The following HHIPL1 variants were observed in gnomAD, a reference collection of about 807,000 sequenced individuals.
HHIPL1 encodes the protein HHIP like 1, also known as HHIP-like protein 1.
A neutral mutation model predicts 61.8 loss-of-function variants in HHIPL1; 43 were observed. That is an observed-to-expected ratio of 0.70 (90% CI 0.55 to 0.90). The LOEUF is 0.90. Among genes scored for constraint, HHIPL1 ranks in the 40% least tolerant of loss-of-function variants. The pLI is 0.00. For synonymous variants in HHIPL1, 482 were observed against 515.8 expected, an observed-to-expected ratio of 0.93 and a Z score of 0.89; for missense variants, 1,056 against 1,157.7, an observed-to-expected ratio of 0.91 and a Z score of 1.28.
At chr14:99,612,851 C>T in the HHIPL1 span, among the ~76,000 whole-genome samples, 13 of 152,308 alleles carry the variant, frequency 8.5e-5, no homozygotes, top group East Asian at 9.6e-4. Flanking sequence ...GGACGGCTCA[C>T]GTCCCAGGCC....
At chr14:99,639,809 G>A in the HHIPL1 span, among the ~76,000 whole-genome samples, 185 of 151,730 alleles carry the variant, frequency 1.2e-3, 1 homozygote, top group African/African-American at 4.1e-3. Flanking sequence ...CTACAGGCAC[G>A]CGCTACCACG....
At chr14:99,614,626 T>C in the HHIPL1 span, among the ~76,000 whole-genome samples, 41 of 152,294 alleles carry the variant, frequency 2.7e-4, no homozygotes, top group African/African-American at 9.4e-4. Context: ...GAGGCACTTG[T>C]TTGTTGGCAT....
rs1336426732 is a variant in HHIPL1 at position 99,680,256 on chromosome 14, C to CT, written c.*4630_*4631insT. The CT allele has an allele frequency of 6.6e-6, 1 of 152,032 alleles. No homozygotes were observed. Among genetic ancestry groups the CT allele is most frequent in the Admixed American group, 6.6e-5 (1 of 15,246 alleles). 9.4% of individuals were successfully genotyped at this position (152,032 alleles called of 1,614,324 possible). ...GAGCCACCTCTTATGCCTGCATCTC[C>CT]CCAACAATTCCTGCTGGGAAACCAC... On this transcript the variant is annotated 3_prime_UTR_variant, in exon 9 of 9. Coordinates refer to ENST00000330710, the MANE Select transcript of HHIPL1 (RefSeq NM_001127258.3).
At chr14:99,616,981 A>G in the HHIPL1 span, among the ~76,000 whole-genome samples, 22,662 of 152,118 alleles carry the variant, frequency 0.15, 2,168 homozygotes, top group African/African-American at 0.27. Flanking sequence ...GCTGAGAACA[A>G]CCAGGGAGTG....
At chr14:99,622,295 C>T in the HHIPL1 span, among the ~76,000 whole-genome samples, 30 of 152,308 alleles carry the variant, frequency 2.0e-4, no homozygotes, top group African/African-American at 7.2e-4. Context: ...ATCTGTGGCC[C>T]ATCCTTAGAG....
Position 99,652,529 on chromosome 14 carries a change from G to A in HHIPL1, c.561G>A (p.Glu187=). 1 of 1,613,484 alleles carries A rather than the reference G, an allele frequency of 6.2e-7. No homozygotes were observed. Among genetic ancestry groups the A allele is most frequent in the Non-Finnish European group, 8.5e-7 (1 of 1,180,038 alleles). The change falls in exon 2 of 9, where the codon GAG becomes GAA. Residue 187 remains glutamate, a synonymous_variant. Transcript: ENST00000330710. ...DAKGCLQLCL[E]EVANGLRNPV... is the part of the protein sequence containing the mutation. ...AGGGCTGCCTGCAGCTGTGCCTGGAGGAGGTGGCCAACGGGCTGCGCAACC... is the reference window on the plus strand; with the variant it reads ...AGGGCTGCCTGCAGCTGTGCCTGGAAGAGGTGGCCAACGGGCTGCGCAACC...
At chr14:99,631,607 A>G in the HHIPL1 span, among the ~76,000 whole-genome samples, 1 of 152,082 alleles carries the variant, frequency 6.6e-6, no homozygotes, top group Non-Finnish European at 1.5e-5. Flanking sequence ...CTCAGAATTT[A>G]TAGGGACCCT....
intron 3 of HHIPL1, among the ~76,000 whole-genome samples, 187 bp from the exon 4 acceptor site, chr14:99,659,241 T>C (rs988199850): frequency 6.6e-6 from 1 of 152,068 alleles, no homozygotes; most frequent in African/African-American, 2.4e-5. Context: ...GCATGTTGAG[T>C]GAATGAATGG....
the HHIPL1 span, among the ~76,000 whole-genome samples, chr14:99,639,810 C>G: frequency 6.6e-6 from 1 of 151,812 alleles, no homozygotes; most frequent in African/African-American, 2.4e-5. Context: ...TACAGGCACG[C>G]GCTACCACGC....
intron 8 of HHIPL1, among the ~76,000 whole-genome samples, chr14:99,674,547 G>C (rs969306174): frequency 1.1e-4 from 16 of 152,104 alleles, no homozygotes; most frequent in Non-Finnish European, 1.8e-4. Flanking sequence ...CCTGACCCCA[G>C]GGATCCCTGT....
intron 3 of HHIPL1, 112 bp from the exon 4 acceptor site, chr14:99,659,316 C>A: frequency 1.2e-6 from 1 of 803,600 alleles, no homozygotes; most frequent in Non-Finnish European, 1.8e-6. Flanking sequence ...AGCCTAGGCT[C>A]ACCCTGCACC....
chr14:99,656,838 AGG>A lies in HHIPL1; in HGVS notation c.903-161_903-160del, dbSNP rs1566809897. Among the ~76,000 whole-genome samples, 534 of 85,536 alleles carry A rather than the reference AGG, an allele frequency of 6.2e-3. 122 individuals are homozygous for A. Among genetic ancestry groups the A allele is most frequent in the African/African-American group, 0.014 (266 of 19,582 alleles). The allele number at this position is 85,536 out of a possible 152,430, so 56.1% of individuals were successfully genotyped here. On this transcript the variant is annotated intron_variant, in intron 2 of 8. Coordinates refer to ENST00000330710, the MANE Select transcript of HHIPL1 (RefSeq NM_001127258.3). The stretch of plus-strand genomic sequence containing the variant: ...AAGAAAGAAAGAAAGAAAGAAAGAA[AGG>A]AAGGAAGGAAGGAAGGAAGGAAGGA...
intron 1 of HHIPL1, among the ~76,000 whole-genome samples, chr14:99,649,710 C>T (rs909015853): frequency 1.3e-5 from 2 of 152,076 alleles, no homozygotes; most frequent in African/African-American, 2.4e-5. Context: ...TGGGGAGGAT[C>T]GTTAGAGCCC....
the HHIPL1 span, among the ~76,000 whole-genome samples, chr14:99,629,559 A>C: frequency 6.6e-6 from 1 of 151,862 alleles, no homozygotes; most frequent in Admixed American, 6.6e-5. Context: ...GTGCAGTGGC[A>C]CAATCTTGGC....
At chr14:99,648,946 C>T (rs1249647441) in intron 1 of HHIPL1, among the ~76,000 whole-genome samples, 2 of 152,186 alleles carry the variant, frequency 1.3e-5, no homozygotes, top group South Asian at 2.1e-4. Context: ...GGGGGCCCTC[C>T]GCCCTGCACT....
chr14:99,641,176 T>A (rs1393426259), upstream of HHIPL1, among the ~76,000 whole-genome samples: 1 of 151,658 alleles, frequency 6.6e-6, no homozygotes, highest in Admixed American at 6.6e-5. Flanking sequence ...TGTGAGCCAC[T>A]GCACCTGGCC....
At chr14:99,638,297 A>G in the HHIPL1 span, among the ~76,000 whole-genome samples, 2 of 152,332 alleles carry the variant, frequency 1.3e-5, no homozygotes, top group East Asian at 3.9e-4. Flanking sequence ...CGGAGAACAG[A>G]TTCACCAACA....
upstream of HHIPL1, among the ~76,000 whole-genome samples, chr14:99,643,260 G>A (rs937506004): frequency 5.3e-5 from 8 of 151,632 alleles, no homozygotes; most frequent in Non-Finnish European, 1.0e-4. Context: ...GGCTGGTTTC[G>A]AACTCCTGAC....
Position 99,675,535 on chromosome 14 carries a change from T to C in HHIPL1, c.2258T>C (p.Leu753Pro), listed in dbSNP as rs1001889414. 6.5e-7 allele frequency: 1 copy of C among 1,541,222 alleles called. No individual in the cohort carries two copies. Among genetic ancestry groups the C allele is most frequent in the Non-Finnish European group, 8.7e-7 (1 of 1,146,330 alleles). ...TGCGCGGGCTGGGAGCGGAACCTGC[T>C]GGAGTGCCAGCACAACGGCGTGGGC... ...VRCAGWERNL[L>P]ECQHNGVGTH... The change falls in exon 9 of 9, where the codon CTG (leucine) becomes CCG (proline). Residue 753 changes from leucine (L) to proline (P), a missense_variant. By Grantham distance (98) the Leu-to-Pro change is moderately conservative. Transcript: ENST00000330710. This position sits in a 1 kb window ranked among gnomAD's most constrained non-coding sequence, Gnocchi z 5.4.
Sources: allele counts gnomAD v4.1 joint callset (sites outside exome capture counted in the v4.1 genomes callset), GRCh38; gene constraint gnomAD v4.1.1; non-coding constraint Gnocchi (gnomAD v3.1); transcripts MANE v1.5; gene names NCBI Gene and HGNC (gene_info 2026-07-23, HGNC 2026-07-21).